The following REL variants were observed in gnomAD, a reference collection of about 807,000 sequenced individuals.
REL encodes proto-oncogene c-Rel.
Under a neutral mutation model 45.9 loss-of-function variants are expected in REL, and 15 were observed. That is an observed-to-expected ratio of 0.33 (90% CI 0.22 to 0.50). The LOEUF (loss-of-function observed/expected upper bound fraction) is 0.50, where lower values mean the gene tolerates loss of function less well. REL is among the 20% of genes least tolerant of loss of function. REL has a pLI of 0.98. For missense variants in REL, 601 were observed against 715.2 expected, an observed-to-expected ratio of 0.84 and a Z score of 1.82; for synonymous variants, 239 against 242.1, an observed-to-expected ratio of 0.99 and a Z score of 0.12.
intron 3 of REL, chr2:60,900,243 A>T (rs976795927): frequency 1.3e-5 from 2 of 152,264 alleles, no homozygotes; most frequent in African/African-American, 4.8e-5. Flanking sequence ...GCAGATTTTT[A>T]AAAATATAGG....
In REL at chr2:60,894,380, T is replaced by C; in HGVS notation, c.154-17T>C. On this transcript the variant is annotated splice_polypyrimidine_tract_variant and intron_variant, in intron 2 of 9. Transcript: ENST00000394479. ...CAGTCTATTTGGATCATGTATTTAA[T>C]TTCCCCCTTTTTTCAGATTATGAAC... 7.0e-7 allele frequency: 1 copy of C among 1,431,192 alleles called. No homozygotes were observed. The highest frequency in any genetic ancestry group is 9.5e-7 in the Non-Finnish European group (1 of 1,054,912). The allele number at this position is 1,431,192 out of a possible 1,614,324, so 88.7% of individuals were successfully genotyped here.
At chr2:60,898,122 A>C (rs1389829073) in intron 3 of REL, among the ~76,000 whole-genome samples, 1 of 152,180 alleles carries the variant, frequency 6.6e-6, no homozygotes, top group African/African-American at 2.4e-5. Flanking sequence ...CTACCACTAT[A>C]GCCTAAACTG....
chr2:60,925,162 T>C lies in REL; in HGVS notation c.*2627T>C. 1 of 200,440 alleles carries C rather than the reference T, an allele frequency of 5.0e-6. No individual in the cohort carries two copies. The allele number at this position is 200,440 out of a possible 1,614,324, so 12.4% of individuals were successfully genotyped here. On this transcript the variant is annotated 3_prime_UTR_variant, in exon 10 of 10. Transcript: ENST00000394479. ...AAGTAATTAACTTTACCTAGTTTGT[T>C]TTACAACTAGAACCTGCCCTAAATG...
intron 4 of REL, among the ~76,000 whole-genome samples, chr2:60,908,333 C>T (rs1222928689): frequency 6.6e-6 from 1 of 152,144 alleles, no homozygotes; most frequent in Admixed American, 6.5e-5. Context: ...AATAGATTCC[C>T]CAACTAGTGT....
At position 60,881,827 on chromosome 2, in the gene REL, CG is replaced by C; in HGVS notation, c.-10del. The C allele has an allele frequency of 6.6e-7, 1 of 1,521,610 alleles. No individual in the cohort carries two copies. 94.3% of individuals were successfully genotyped at this position (1,521,610 alleles called of 1,614,324 possible). On this transcript the variant is annotated 5_prime_UTR_variant, in exon 1 of 10. Transcript: ENST00000394479. ...GCTGGGAGCTGCCTGCGGGAAGGTGCGGGGAGCGGAGCCATGGCCTCCGGTG... is the reference window on the plus strand; with the variant it reads ...GCTGGGAGCTGCCTGCGGGAAGGTGCGGGAGCGGAGCCATGGCCTCCGGTG...
intron 4 of REL, among the ~76,000 whole-genome samples, chr2:60,913,071 A>C (rs1029773800): frequency 1.3e-5 from 2 of 152,118 alleles, no homozygotes; most frequent in African/African-American, 4.8e-5. Flanking sequence ...ACTTTTGATA[A>C]ATTTGATTAT....
In REL at chr2:60,922,116, G is replaced by A. The variant is rs1395570590; in HGVS notation, c.1345G>A (p.Asp449Asn). ...GMEASSMPSA[D>N]LYGISDPNML... ...GGAAGCGTCATCCATGCCATCAGCA[G>A]ATTTATATGGTATTTCTGATCCCAA... The change falls in exon 10 of 10, where the codon GAT becomes AAT. Residue 449 changes from aspartate to asparagine, a missense_variant. Transcript: ENST00000394479. The A allele has an allele frequency of 6.2e-7, 1 of 1,614,064 alleles. No individual in the cohort carries two copies. The highest frequency in any genetic ancestry group is 2.2e-5 in the East Asian group (1 of 44,906).
chr2:60,930,566 A>C lies in REL; in HGVS notation c.*8031A>C, dbSNP rs1674363890. On this transcript the variant is annotated 3_prime_UTR_variant, in exon 10 of 10. Transcript: ENST00000394479. The stretch of plus-strand genomic sequence containing the variant: ...ACATCTTAGCAGAGTTTAGTTAAGC[A>C]CAAAGTTAACAGTGGGTAGGATTGA... 6.6e-6 allele frequency: 1 copy of C among 152,362 alleles called. No homozygotes were observed. Among genetic ancestry groups the C allele is most frequent in the Non-Finnish European group, 1.5e-5 (1 of 68,040 alleles). 9.4% of individuals were successfully genotyped at this position (152,362 alleles called of 1,614,324 possible). A position where few individuals can be genotyped will look rare whatever the true frequency, so the allele number is the denominator to read the frequency against.
chr2:60,911,994 CAAAAAAAAAAAA>C (rs763342298), intron 4 of REL, among the ~76,000 whole-genome samples: 12 of 37,326 alleles, frequency 3.2e-4, no homozygotes, highest in African/African-American at 7.7e-4. Flanking sequence ...AAGACTGTCT[CAAAAAAAAAAAA>C]AAAAAAAAAA....
intron 4 of REL, among the ~76,000 whole-genome samples, chr2:60,906,935 CCGAGACAGAG>C (rs1673677624): frequency 1.5e-5 from 1 of 68,798 alleles, no homozygotes. Flanking sequence ...TTTTTCTTTT[CCGAGACAGAG>C]TTTCGCTCTT....
rs1356401437 is a variant in REL, at chr2:60,924,697, A to C, written c.*2162A>C. 1.4e-5 allele frequency: 3 copies of C among 212,144 alleles called. No homozygotes were observed. The highest frequency in any genetic ancestry group is 6.8e-5 in the African/African-American group (3 of 44,256). 13.1% of individuals were successfully genotyped at this position (212,144 alleles called of 1,614,324 possible). On this transcript the variant is annotated 3_prime_UTR_variant, in exon 10 of 10. Transcript: ENST00000394479. The stretch of plus-strand genomic sequence containing the variant: ...GTTTTGACATTGTCAAGCTCATTGC[A>C]ACTTCCAGATTGAGTAACACTTATA...
chr2:60,900,705 T>C (rs1673470323), intron 3 of REL: 1 of 285,100 alleles, frequency 3.5e-6, no homozygotes, highest in Admixed American at 5.8e-5. Flanking sequence ...GTATTTTTAG[T>C]AGAGACGGGG....
intron 4 of REL, among the ~76,000 whole-genome samples, chr2:60,911,806 C>G (rs1255772320): frequency 1.3e-5 from 2 of 151,826 alleles, no homozygotes; most frequent in East Asian, 3.9e-4. Context: ...TGAGACCATC[C>G]TGGCCAAGAT....
At chr2:60,893,325 G>T (rs34738567) in intron 2 of REL, among the ~76,000 whole-genome samples, 2,004 of 152,176 alleles carry the variant, frequency 0.013, 43 homozygotes, top group Non-Finnish European at 0.013. Context: ...TATATATATT[G>T]AATTCCAGAT....
chr2:60,910,280 A>G (rs1252257731), intron 4 of REL, among the ~76,000 whole-genome samples: 1 of 152,052 alleles, frequency 6.6e-6, no homozygotes, highest in Non-Finnish European at 1.5e-5. Flanking sequence ...CCTGGCTAAC[A>G]GGGTGAAACT....
chr2:60,897,360 T>G (rs763620543), intron 3 of REL, among the ~76,000 whole-genome samples: 1 of 150,646 alleles, frequency 6.6e-6, no homozygotes, highest in Non-Finnish European at 1.5e-5. Flanking sequence ...CAGGCTGGAG[T>G]GCGGTGGTGC....
chr2:60,918,243 AAGTGTCAGAGGAGG>A lies in REL; in HGVS notation c.591_604del (p.Ser197ArgfsTer2). 6.2e-7 allele frequency: 1 copy of A among 1,610,570 alleles called. No homozygotes were observed. The highest frequency in any genetic ancestry group is 8.5e-7 in the Non-Finnish European group (1 of 1,177,828). On this transcript the variant is annotated frameshift_variant, in exon 6 of 10. Coordinates refer to ENST00000394479, the MANE Select transcript of REL (RefSeq NM_001291746.2). LOFTEE classifies it high-confidence loss of function. Reference sequence around the variant, plus strand: ...TTTGTCGTGTAAACAAGAATTGTGGAAGTGTCAGAGGAGGAGATGAAATATTTCTACTTTGTGAC... The same window carrying A: ...TTTGTCGTGTAAACAAGAATTGTGGAAGATGAAATATTTCTACTTTGTGAC...
At chr2:60,889,288 G>A (rs921820828) in intron 1 of REL, among the ~76,000 whole-genome samples, 17 of 151,776 alleles carry the variant, frequency 1.1e-4, no homozygotes, top group African/African-American at 3.6e-4. Context: ...TGACTCTTTC[G>A]CTCTTATTTC....
Position 60,921,835 on chromosome 2 carries a change from A to G in REL, c.1064A>G (p.Tyr355Cys), listed in dbSNP as rs373394733. 15 of 1,613,966 alleles carry G rather than the reference A, an allele frequency of 9.3e-6. No homozygotes were observed. Among genetic ancestry groups the G allele is most frequent in the Admixed American group, 3.3e-5 (2 of 59,988 alleles). ...PTGVSSQAES[Y>C]YPSPGPISSG... ...GGGGTTTCAAGTCAAGCAGAATCCTACTATCCCTCACCTGGGCCCATCTCA... is the reference window on the plus strand; with the variant it reads ...GGGGTTTCAAGTCAAGCAGAATCCTGCTATCCCTCACCTGGGCCCATCTCA... Residue 355 changes from tyrosine (Y) to cysteine (C), a missense_variant, in exon 10 of 10, where the codon TAC (tyrosine) becomes TGC (cysteine). By Grantham distance (194) the Tyr-to-Cys change is radical. Coordinates refer to ENST00000394479, the MANE Select transcript of REL (RefSeq NM_001291746.2).
Sources: gnomAD v4.1 joint callset for allele counts (sites outside exome capture counted in the v4.1 genomes callset) on GRCh38, gnomAD v4.1.1 for gene constraint, MANE v1.5 for transcripts, NCBI Gene and HGNC (gene_info 2026-07-23, HGNC 2026-07-21) for gene names.